S100Z: variants seen among roughly 807,000 people sequenced by gnomAD.
The protein encoded by S100Z is protein S100-Z.
In S100Z, 11 loss-of-function variants were observed where a neutral mutation model predicts 8.5. The ratio of observed to expected loss-of-function variants is 1.30; its 90% CI spans 0.82 to 2.15. The LOEUF (loss-of-function observed/expected upper bound fraction) is 2.15, where lower values mean the gene tolerates loss of function less well. Ranked by LOEUF, S100Z falls within the 30% of genes most tolerant of loss-of-function variation. S100Z has a pLI of 0.00. For synonymous variants in S100Z, 34 were observed against 43.8 expected, an observed-to-expected ratio of 0.78 and a Z score of 0.89; for missense variants, 126 against 117.9, an observed-to-expected ratio of 1.07 and a Z score of -0.32.
chr5:76,939,508 G>T, the S100Z span, among the ~76,000 whole-genome samples: 1 of 96,412 alleles, frequency 1.0e-5, no homozygotes, highest in Admixed American at 1.4e-4. Flanking sequence ...AAACAAAATT[G>T]GTGTTTAACT....
the S100Z span, among the ~76,000 whole-genome samples, chr5:76,934,224 G>C: frequency 0.024 from 3,590 of 152,258 alleles, 136 homozygotes; most frequent in African/African-American, 0.081. Context: ...ATGACCATGA[G>C]TGCTTAAAAA....
At chr5:76,878,134 C>A (rs1743266564) in intron 4 of S100Z, 1 of 180,446 alleles carries the variant, frequency 5.5e-6, no homozygotes, top group Admixed American at 6.1e-5. Context: ...TCAAATGAGA[C>A]TTGAATTTGG....
At chr5:76,906,329 CATTATT>C (rs1744421542) in intron 4 of S100Z, among the ~76,000 whole-genome samples, 1 of 152,060 alleles carries the variant, frequency 6.6e-6, no homozygotes, top group Admixed American at 6.6e-5. Flanking sequence ...GTATGTAATA[CATTATT>C]ATTAACTATA....
At chr5:76,884,780 A>C (rs1364321275) in intron 4 of S100Z, among the ~76,000 whole-genome samples, 1 of 152,146 alleles carries the variant, frequency 6.6e-6, no homozygotes, top group Non-Finnish European at 1.5e-5. Flanking sequence ...AGGCTGAGGA[A>C]GAATTGGGAC....
In S100Z at chr5:76,908,024, G is replaced by A. The variant is rs376079729; in HGVS notation, c.*3-12693G>A. 1.8e-4 allele frequency among the ~76,000 whole-genome samples: 28 copies of A among 152,200 alleles called. 1 individual carries two copies. The highest frequency in any genetic ancestry group is 1.4e-3 in the East Asian group (7 of 5,180). ...CACCTGCCTGTAGTCCCAGCTACTC[G>A]GGAGGCTGAGGTGGGAAGACTACCT... is the stretch of plus-strand genomic sequence containing the variant. On this transcript the variant is annotated intron_variant, in intron 4 of 4. Transcript: ENST00000317593.
intron 4 of S100Z, among the ~76,000 whole-genome samples, chr5:76,916,656 C>T (rs1744863624): frequency 6.6e-6 from 1 of 151,884 alleles, no homozygotes; most frequent in Non-Finnish European, 1.5e-5. Context: ...TTTTTAAACA[C>T]TTGCAAACTA....
chr5:76,907,213 C>G (rs4704376), intron 4 of S100Z, among the ~76,000 whole-genome samples: 2,151 of 151,668 alleles, frequency 0.014, 61 homozygotes, highest in East Asian at 0.11. Flanking sequence ...TATATGTGTG[C>G]GTCTATTTTG....
chr5:76,884,078 C>G (rs1743512362), intron 4 of S100Z, among the ~76,000 whole-genome samples: 1 of 152,116 alleles, frequency 6.6e-6, no homozygotes, highest in African/African-American at 2.4e-5. Context: ...ATTTTTGGAG[C>G]TTTATTTAAT....
the S100Z span, among the ~76,000 whole-genome samples, chr5:76,945,714 T>C: frequency 6.6e-6 from 1 of 152,186 alleles, no homozygotes; most frequent in Non-Finnish European, 1.5e-5. Context: ...TTCTCCCCAC[T>C]ATCACCCTGC....
At chr5:76,923,492 T>C (rs915173661), downstream of S100Z, among the ~76,000 whole-genome samples, 2 of 152,134 alleles carry the variant, frequency 1.3e-5, no homozygotes, top group African/African-American at 4.8e-5. Flanking sequence ...TTTTAGAGTA[T>C]AGTGGGCCCA....
chr5:76,882,003 T>C (rs372170079), intron 4 of S100Z, among the ~76,000 whole-genome samples: 3 of 152,136 alleles, frequency 2.0e-5, no homozygotes, highest in Non-Finnish European at 2.9e-5. Flanking sequence ...TATAACAGCA[T>C]GGTGGTGCAG....
intron 4 of S100Z, among the ~76,000 whole-genome samples, chr5:76,907,220 T>C (rs1340369621): frequency 1.3e-5 from 2 of 151,974 alleles, no homozygotes; most frequent in Non-Finnish European, 2.9e-5. Context: ...GTGCGTCTAT[T>C]TTGTGAACAC....
chr5:76,903,047 A>G (rs1219718901), intron 4 of S100Z, among the ~76,000 whole-genome samples: 3 of 152,186 alleles, frequency 2.0e-5, no homozygotes, highest in Non-Finnish European at 4.4e-5. Flanking sequence ...TTAGCCAGAC[A>G]TGATGGCGGG....
In S100Z at chr5:76,877,774, C is replaced by T. The variant is rs1400992415; in HGVS notation, c.242C>T (p.Ala81Val). The change falls in exon 4 of 5, where the codon GCT becomes GTT. Residue 81 changes from alanine to valine, a missense_variant. Physicochemically the swap from Ala to Val is moderately conservative, Grantham distance 64. Transcript: ENST00000317593. ...AATGAATTCGTGGTCATGGTGGCAG[C>T]TCTGACAGTTGCTTGTAATGATTAC... Reference protein sequence around the residue: ...DFNEFVVMVAALTVACNDYFV... With the variant: ...DFNEFVVMVAVLTVACNDYFV... 1 of 1,613,078 alleles carries T rather than the reference C, an allele frequency of 6.2e-7. No homozygotes were observed. The highest frequency in any genetic ancestry group is 8.5e-7 in the Non-Finnish European group (1 of 1,179,126).
rs1744533585 is a variant in S100Z, at chr5:76,908,436, C to T, written c.*3-12281C>T. ...TTCCTCTCACTTCTCTTCTCTGAGG[C>T]TAGTCACGCTTCTAAAAACCACTCC... On this transcript the variant is annotated intron_variant, in intron 4 of 4. Coordinates refer to ENST00000317593, the MANE Select transcript of S100Z (RefSeq NM_130772.4). Among the ~76,000 whole-genome samples, 3 of 152,178 alleles carry T rather than the reference C, an allele frequency of 2.0e-5. No homozygotes were observed. The South Asian group carries it at 6.2e-4, about 31-fold the overall frequency.
chr5:76,850,811 G>GT (rs1248562163), intron 1 of S100Z, among the ~76,000 whole-genome samples: 4 of 151,940 alleles, frequency 2.6e-5, no homozygotes, highest in African/African-American at 4.8e-5. Flanking sequence ...GAGAAATAAA[G>GT]TTTTTTTTGT....
At chr5:76,942,198 G>A in the S100Z span, among the ~76,000 whole-genome samples, 9 of 151,782 alleles carry the variant, frequency 5.9e-5, no homozygotes, top group African/African-American at 1.9e-4. Context: ...CACTGCAACC[G>A]CTTCCTGGGT....
At chr5:76,921,768 A>G (rs977355981), downstream of S100Z, 1 of 152,196 alleles carries the variant, frequency 6.6e-6, no homozygotes, top group Non-Finnish European at 1.5e-5. Context: ...TGGGCGGATC[A>G]CTTGAGGTCA....
the S100Z span, among the ~76,000 whole-genome samples, chr5:76,929,815 A>G: frequency 6.6e-6 from 1 of 152,240 alleles, no homozygotes; most frequent in Non-Finnish European, 1.5e-5. Flanking sequence ...GGTGTTATTT[A>G]CCATACCAAA....
Sources: allele counts gnomAD v4.1 joint callset (sites outside exome capture counted in the v4.1 genomes callset), GRCh38; gene constraint gnomAD v4.1.1; transcripts MANE v1.5; gene names NCBI Gene and HGNC (gene_info 2026-07-23, HGNC 2026-07-21).